ME3: variants seen among roughly 807,000 people sequenced by gnomAD.
ME3 encodes malic enzyme 3.
In ME3, 48 loss-of-function variants were observed where a neutral mutation model predicts 68.9. The ratio of observed to expected loss-of-function variants is 0.70; its 90% CI spans 0.55 to 0.89. The LOEUF (loss-of-function observed/expected upper bound fraction) is 0.89. Among genes scored for constraint, ME3 ranks in the 40% least tolerant of loss-of-function variants. The pLI is 0.00. For synonymous variants in ME3, 320 were observed against 318.8 expected, an observed-to-expected ratio of 1.00 and a Z score of -0.04; for missense variants, 675 against 797.4, an observed-to-expected ratio of 0.85 and a Z score of 1.85.
At chr11:86,607,951 G>A (rs1293579659) in intron 2 of ME3, among the ~76,000 whole-genome samples, 1 of 152,114 alleles carries the variant, frequency 6.6e-6, no homozygotes, top group Non-Finnish European at 1.5e-5. Context: ...ATCATGCCAT[G>A]TCTCCCCTGG....
chr11:86,507,306 C>G (rs1235477554), intron 5 of ME3, among the ~76,000 whole-genome samples: 2 of 152,220 alleles, frequency 1.3e-5, no homozygotes, highest in Admixed American at 6.5e-5. Context: ...ATCAGTCTTT[C>G]TAACTAGACT....
chr11:86,473,927 G>C (rs1320394120), intron 7 of ME3, among the ~76,000 whole-genome samples: 2 of 152,204 alleles, frequency 1.3e-5, no homozygotes, highest in African/African-American at 4.8e-5. Context: ...ATGGCTTTGA[G>C]GCAAAAGCAG....
At chr11:86,449,976 A>G (rs1949541139) in exon 10 of ME3, 8 of 1,613,924 alleles carry the variant, frequency 5.0e-6, no homozygotes, top group Non-Finnish European at 6.8e-6. Flanking sequence ...GGGCCATGAC[A>G]AGGAGGTGGG....
At chr11:86,455,950 A>G (rs1270118819) in intron 8 of ME3, among the ~76,000 whole-genome samples, 5 of 152,012 alleles carry the variant, frequency 3.3e-5, no homozygotes, top group Non-Finnish European at 7.4e-5. Flanking sequence ...GAAATCCCCA[A>G]ATCCCCTTTG....
chr11:86,521,546 C>A (rs1290550469), intron 4 of ME3, among the ~76,000 whole-genome samples: 2 of 151,814 alleles, frequency 1.3e-5, no homozygotes, highest in African/African-American at 4.8e-5. Context: ...CGTAAAGGAG[C>A]CTCTCTTTAA....
In ME3 at chr11:86,487,452, A is replaced by C. The variant is rs778603024; in HGVS notation, c.706-12T>G. The C allele has an allele frequency of 6.2e-7, 1 of 1,609,710 alleles. No homozygotes were observed. Among genetic ancestry groups the C allele is most frequent in the South Asian group, 1.1e-5 (1 of 90,994 alleles). ...TCTCTGAGCAGCTCCTGGAACAGAC[A>C]GCACCCATTGACTGAGCCTACTCCC... On this transcript the variant is annotated splice_polypyrimidine_tract_variant and intron_variant, in intron 6 of 14. Coordinates refer to ENST00000543262, the Ensembl canonical transcript of ME3.
intron 8 of ME3, among the ~76,000 whole-genome samples, chr11:86,452,349 A>G (rs1259222406): frequency 6.6e-6 from 1 of 152,206 alleles, no homozygotes; most frequent in Non-Finnish European, 1.5e-5. Context: ...ATTCATCCTG[A>G]TAATCAAAGG....
intron 2 of ME3, among the ~76,000 whole-genome samples, chr11:86,645,549 G>A (rs1224052255): frequency 2.0e-5 from 3 of 152,324 alleles, no homozygotes; most frequent in South Asian, 2.1e-4. Flanking sequence ...AGCAGCCCCA[G>A]TCAGGGGCTT....
At chr11:86,591,293 T>C (rs907340723) in intron 2 of ME3, among the ~76,000 whole-genome samples, 8 of 152,220 alleles carry the variant, frequency 5.3e-5, no homozygotes, top group Non-Finnish European at 8.8e-5. Flanking sequence ...ATGGGCTGAA[T>C]TGGGTCCTCC....
At chr11:86,529,045 TC>T (rs1182630413) in intron 4 of ME3, among the ~76,000 whole-genome samples, 1 of 151,856 alleles carries the variant, frequency 6.6e-6, no homozygotes, top group Non-Finnish European at 1.5e-5. Context: ...AAAAAACCCC[TC>T]AAAAAATCAA....
At chr11:86,466,340 G>C (rs1214829294) in intron 7 of ME3, among the ~76,000 whole-genome samples, 2 of 152,150 alleles carry the variant, frequency 1.3e-5, no homozygotes, top group Non-Finnish European at 2.9e-5. Context: ...CACCTCATGG[G>C]TCAATTTGTG....
chr11:86,628,432 C>T (rs927715790), intron 2 of ME3, among the ~76,000 whole-genome samples: 9 of 152,210 alleles, frequency 5.9e-5, no homozygotes, highest in South Asian at 2.1e-4. Context: ...GCTGCATATT[C>T]GTGTTACTTG....
chr11:86,619,063 C>G (rs970797455), intron 2 of ME3, among the ~76,000 whole-genome samples: 3 of 152,190 alleles, frequency 2.0e-5, no homozygotes, highest in African/African-American at 7.2e-5. Context: ...CCCGCCATTG[C>G]TCTTGCTTAT....
intron 2 of ME3, among the ~76,000 whole-genome samples, chr11:86,640,777 C>T (rs1944618465): frequency 1.3e-5 from 2 of 152,176 alleles, no homozygotes; most frequent in East Asian, 3.9e-4. Flanking sequence ...AACTCCTGGC[C>T]TCTCCCAATG....
At chr11:86,489,468 C>T (rs1951871235) in intron 6 of ME3, among the ~76,000 whole-genome samples, 1 of 152,176 alleles carries the variant, frequency 6.6e-6, no homozygotes, top group Non-Finnish European at 1.5e-5. Context: ...TCATGTACTG[C>T]CCTAAGTGCT....
At chr11:86,500,568 C>T (rs1051079376) in intron 5 of ME3, among the ~76,000 whole-genome samples, 2 of 152,094 alleles carry the variant, frequency 1.3e-5, no homozygotes, top group Non-Finnish European at 2.9e-5. Flanking sequence ...TTATGCCATT[C>T]CCAGGCTCAA....
intron 2 of ME3, among the ~76,000 whole-genome samples, chr11:86,632,996 C>A (rs1035660772): frequency 6.6e-6 from 1 of 152,198 alleles, no homozygotes. Flanking sequence ...CACTGCACGG[C>A]CCCTGTGCCC....
At chr11:86,666,052 G>T (rs1193723370) in intron 2 of ME3, among the ~76,000 whole-genome samples, 2 of 152,108 alleles carry the variant, frequency 1.3e-5, no homozygotes, top group Non-Finnish European at 2.9e-5. Context: ...AACAATGAAA[G>T]CTTCATATCA....
intron 2 of ME3, among the ~76,000 whole-genome samples, chr11:86,643,827 T>C (rs1225512791): frequency 6.6e-6 from 1 of 152,046 alleles, no homozygotes; most frequent in Non-Finnish European, 1.5e-5. Flanking sequence ...CAGTGAACGG[T>C]CTCAGGGAAT....
Sources: gnomAD v4.1 joint callset for allele counts (sites outside exome capture counted in the v4.1 genomes callset) on GRCh38, gnomAD v4.1.1 for gene constraint, MANE v1.5 for transcripts, NCBI Gene and HGNC (gene_info 2026-07-23, HGNC 2026-07-21) for gene names.